Variants in PDE3A observed in about 807,000 individuals in gnomAD.
The protein encoded by PDE3A is cGMP-inhibited 3',5'-cyclic phosphodiesterase 3A.
In PDE3A, 43 loss-of-function variants were observed where a neutral mutation model predicts 98.3. That is an observed-to-expected ratio of 0.44 (90% CI 0.34 to 0.56). The LOEUF is 0.56. PDE3A is among the 20% of genes least tolerant of loss of function. The pLI, the probability that PDE3A is intolerant of heterozygous loss-of-function variation, is 0.01. For synonymous variants in PDE3A, 663 were observed against 567.9 expected, an observed-to-expected ratio of 1.17 and a Z score of -2.38; for missense variants, 1,427 against 1,440.7, an observed-to-expected ratio of 0.99 and a Z score of 0.15.
chr12:20,486,608 T>A (rs1029584389), intron 1 of PDE3A, among the ~76,000 whole-genome samples: 7 of 152,208 alleles, frequency 4.6e-5, no homozygotes, highest in Non-Finnish European at 8.8e-5. Flanking sequence ...TGCTTCTATG[T>A]GGTTCACCTA....
chr12:20,512,273 T>C (rs577911667), intron 1 of PDE3A, among the ~76,000 whole-genome samples: 4 of 152,158 alleles, frequency 2.6e-5, no homozygotes, highest in African/African-American at 9.6e-5. Context: ...GGGGGCACAG[T>C]ATAAGAGACT....
intron 15 of PDE3A, among the ~76,000 whole-genome samples, chr12:20,658,213 G>T (rs532638255): frequency 7.8e-4 from 119 of 152,274 alleles, no homozygotes; most frequent in Non-Finnish European, 1.3e-3. Flanking sequence ...TACTGCCCTT[G>T]TTAGGAGGCT....
intron 2 of PDE3A, among the ~76,000 whole-genome samples, chr12:20,607,165 G>A (rs540244359): frequency 3.9e-5 from 6 of 152,140 alleles, no homozygotes; most frequent in Admixed American, 1.3e-4. Context: ...TCAGTCGGGC[G>A]CGGTGGCTAA....
intron 2 of PDE3A, among the ~76,000 whole-genome samples, chr12:20,599,290 T>G (rs990760516): frequency 6.6e-6 from 1 of 152,042 alleles, no homozygotes; most frequent in African/African-American, 2.4e-5. Context: ...CAATCTTTCT[T>G]TCCTGTCTGT....
At chr12:20,668,845 T>A (rs1945392440) in intron 15 of PDE3A, among the ~76,000 whole-genome samples, 2 of 151,638 alleles carry the variant, frequency 1.3e-5, no homozygotes, top group Admixed American at 1.3e-4. Context: ...CAAAGCTAGA[T>A]GGAGAATGAC....
chr12:20,677,035 T>A (rs1945658423), intron 15 of PDE3A, among the ~76,000 whole-genome samples: 1 of 152,196 alleles, frequency 6.6e-6, no homozygotes, highest in African/African-American at 2.4e-5. Flanking sequence ...TATTATTATT[T>A]TTTATGTTTT....
chr12:20,412,192 A>C lies in PDE3A; in HGVS notation c.960+41948A>C, dbSNP rs534044157. Among the ~76,000 whole-genome samples the C allele has an allele frequency of 4.6e-5, 7 of 152,320 alleles. No individual in the cohort carries two copies. The South Asian group carries it at 1.4e-3, about 32-fold the overall frequency. ...AGATTTCAGTTTCTTGAAAATTTAT[A>C]CATTAGCAAGCATAGTGTAAATATG... On this transcript the variant is annotated intron_variant, in intron 1 of 15. Coordinates refer to ENST00000359062, the MANE Select transcript of PDE3A (RefSeq NM_000921.5).
At chr12:20,551,865 C>T in intron 1 of PDE3A, 2 of 1,613,774 alleles carry the variant, frequency 1.2e-6, no homozygotes, top group South Asian at 2.2e-5. Flanking sequence ...AATGTACCAT[C>T]ATCCCGTCCA....
intron 2 of PDE3A, among the ~76,000 whole-genome samples, chr12:20,603,641 G>A (rs1409305944): frequency 6.6e-6 from 1 of 152,106 alleles, no homozygotes; most frequent in Admixed American, 6.6e-5. Context: ...CCCAGTTCAT[G>A]TAGGGGACAA....
At chr12:20,650,016 C>A (rs1944878383) in intron 13 of PDE3A, among the ~76,000 whole-genome samples, 1 of 152,006 alleles carries the variant, frequency 6.6e-6, no homozygotes, top group Non-Finnish European at 1.5e-5. Context: ...TTAAAATTTT[C>A]ATTTTTGTAG....
rs190448102 is a variant in PDE3A, at chr12:20,369,242, T to C, written c.-43T>C. 2,329 of 1,416,210 alleles carry C rather than the reference T, an allele frequency of 1.6e-3. 34 individuals are homozygous for C. In the South Asian group the frequency reaches 0.02, roughly 12 times the overall value. 87.7% of individuals were successfully genotyped at this position (1,416,210 alleles called of 1,614,324 possible). On this transcript the variant is annotated 5_prime_UTR_variant, in exon 1 of 16. Coordinates refer to ENST00000359062, the MANE Select transcript of PDE3A (RefSeq NM_000921.5). ...GCGCGCGTGGGTCGGGGCGGGGGCGTCGGGGGGCCACTGGGAATTCAGTGA... is the reference window on the plus strand; with the variant it reads ...GCGCGCGTGGGTCGGGGCGGGGGCGCCGGGGGGCCACTGGGAATTCAGTGA...
rs151036938 is a variant in PDE3A at position 20,609,509 on chromosome 12, A to G, written c.1012-3934A>G. On this transcript the variant is annotated intron_variant, in intron 2 of 15. Coordinates refer to ENST00000359062, the MANE Select transcript of PDE3A (RefSeq NM_000921.5). The stretch of plus-strand genomic sequence containing the variant: ...AATATAGAAATTTAATGCAATAACT[A>G]TCAACATCGCAATGGTGTCTTCACA... Among the ~76,000 whole-genome samples, 655 of 152,188 alleles carry G rather than the reference A, an allele frequency of 4.3e-3. 2 individuals are homozygous for G. The highest frequency in any genetic ancestry group is 6.3e-3 in the Admixed American group (97 of 15,280).
intron 1 of PDE3A, among the ~76,000 whole-genome samples, chr12:20,526,523 A>G (rs1592019654): frequency 6.6e-6 from 1 of 152,196 alleles, no homozygotes; most frequent in Non-Finnish European, 1.5e-5. Flanking sequence ...TATGTATAAT[A>G]TGCCTTCTAA....
chr12:20,482,909 A>AT lies in PDE3A; in HGVS notation c.961-73744dup, dbSNP rs144376176. On this transcript the variant is annotated intron_variant, in intron 1 of 15. Coordinates refer to ENST00000359062, the MANE Select transcript of PDE3A (RefSeq NM_000921.5). ...CAATGTTTCATGTTTCTGTGGAAAG[A>AT]TTTTTTTCCTAGAAAGTGCAAAGTA... 2.7e-4 allele frequency among the ~76,000 whole-genome samples: 41 copies of AT among 152,232 alleles called. No individual in the cohort carries two copies. The South Asian group carries it at 7.7e-3, about 29-fold the overall frequency.
intron 2 of PDE3A, among the ~76,000 whole-genome samples, chr12:20,602,639 G>C (rs1479216616): frequency 2.0e-5 from 3 of 152,160 alleles, no homozygotes; most frequent in Admixed American, 6.5e-5. Flanking sequence ...CCACAGACAT[G>C]TTGGGAAGCA....
intron 2 of PDE3A, among the ~76,000 whole-genome samples, chr12:20,595,710 A>G (rs1943450795): frequency 6.6e-6 from 1 of 152,040 alleles, no homozygotes; most frequent in Non-Finnish European, 1.5e-5. Flanking sequence ...TTTTAGTTAG[A>G]CCTTATTCTG....
intron 1 of PDE3A, among the ~76,000 whole-genome samples, chr12:20,404,619 A>T (rs1205932665): frequency 6.6e-6 from 1 of 152,148 alleles, no homozygotes; most frequent in Non-Finnish European, 1.5e-5. Flanking sequence ...TGGCAATTCT[A>T]GCTTTGTTTC....
chr12:20,486,399 A>G (rs544336892), intron 1 of PDE3A, among the ~76,000 whole-genome samples: 2 of 152,288 alleles, frequency 1.3e-5, no homozygotes, highest in South Asian at 2.1e-4. Flanking sequence ...CCATGATTCA[A>G]TTACATCCAC....
intron 4 of PDE3A, among the ~76,000 whole-genome samples, chr12:20,618,233 A>C (rs1326314777): frequency 6.6e-6 from 1 of 152,172 alleles, no homozygotes; most frequent in Non-Finnish European, 1.5e-5. Flanking sequence ...AAAACTATTT[A>C]TAAGTAAGTG....
Sources: gnomAD v4.1 joint callset for allele counts (sites outside exome capture counted in the v4.1 genomes callset) on GRCh38, gnomAD v4.1.1 for gene constraint, MANE v1.5 for transcripts, NCBI Gene and HGNC (gene_info 2026-07-23, HGNC 2026-07-21) for gene names.